RBMS3: variants seen among roughly 807,000 people sequenced by gnomAD.
RBMS3 encodes the protein RNA-binding motif, single-stranded-interacting protein 3.
Under a neutral mutation model 66.8 loss-of-function variants are expected in RBMS3, and 27 were observed. The ratio of observed to expected loss-of-function variants is 0.40; its 90% CI spans 0.30 to 0.56. The LOEUF is 0.56. Ranked by LOEUF, RBMS3 falls within the 20% of genes least tolerant of loss-of-function variation. The pLI, the probability that RBMS3 is intolerant of heterozygous loss-of-function variation, is 0.40. For missense variants in RBMS3, 513 were observed against 549.5 expected (o/e 0.93, Z 0.66); for synonymous variants, 188 against 183.0 (o/e 1.03, Z -0.22).
In RBMS3 at chr3:29,783,703, A is replaced by G. The variant is rs147723572; in HGVS notation, c.637+20714A>G. Among the ~76,000 whole-genome samples, 615 of 152,292 alleles carry G rather than the reference A, an allele frequency of 4.0e-3. 3 individuals carry two copies. The highest frequency in any genetic ancestry group is 0.014 in the African/African-American group (590 of 41,578). On this transcript the variant is annotated intron_variant, in intron 6 of 14. Transcript: ENST00000383767. ...GGATAGTACCTCACATCCCAATACT[A>G]ACATTGAATGTAAGTGGCCTAAATG...
intron 4 of RBMS3, among the ~76,000 whole-genome samples, chr3:29,632,839 C>A (rs1051745609): frequency 6.6e-6 from 1 of 151,864 alleles, no homozygotes; most frequent in African/African-American, 2.4e-5. Context: ...CAAGGCCCTG[C>A]AGATCCTTCC....
chr3:29,489,733 T>C (rs957165779), intron 3 of RBMS3, among the ~76,000 whole-genome samples: 1 of 120,202 alleles, frequency 8.3e-6, no homozygotes, highest in Non-Finnish European at 1.6e-5. Flanking sequence ...TAGACCCACG[T>C]AGCTGTAAAA....
At chr3:29,681,051 G>C (rs1468881602) in intron 4 of RBMS3, among the ~76,000 whole-genome samples, 1 of 152,172 alleles carries the variant, frequency 6.6e-6, no homozygotes, top group Non-Finnish European at 1.5e-5. Flanking sequence ...ATTTAATAAA[G>C]AGAGTCCACT....
At chr3:29,613,728 A>T (rs1201442374) in intron 4 of RBMS3, among the ~76,000 whole-genome samples, 2 of 152,122 alleles carry the variant, frequency 1.3e-5, no homozygotes, top group Non-Finnish European at 2.9e-5. Flanking sequence ...AATGGCCAAC[A>T]GGTATATTAA....
At chr3:29,601,554 A>C (rs1022915340) in intron 4 of RBMS3, among the ~76,000 whole-genome samples, 1 of 152,054 alleles carries the variant, frequency 6.6e-6, no homozygotes, top group Admixed American at 6.6e-5. Flanking sequence ...GATGAACACT[A>C]TGCATTCTAA....
At chr3:29,475,728 T>G (rs965602889) in intron 2 of RBMS3, among the ~76,000 whole-genome samples, 1 of 152,172 alleles carries the variant, frequency 6.6e-6, no homozygotes, top group African/African-American at 2.4e-5. Flanking sequence ...GATAGGTGCC[T>G]AAGTACAAAG....
chr3:29,791,020 T>G (rs2056991473), intron 6 of RBMS3, among the ~76,000 whole-genome samples: 1 of 152,182 alleles, frequency 6.6e-6, no homozygotes, highest in African/African-American at 2.4e-5. Flanking sequence ...GAAATCAGAG[T>G]GAACCCTCAC....
chr3:29,962,685 T>G (rs1385207573), intron 12 of RBMS3, among the ~76,000 whole-genome samples: 2 of 151,920 alleles, frequency 1.3e-5, no homozygotes, highest in African/African-American at 4.8e-5. Context: ...GCTAAGAGGA[T>G]TACATCTTGC....
rs755520785 is a variant in RBMS3, at chr3:29,482,701, C to CTTTTTTTTTTTTTTTTTTTTT, written c.249-5736_249-5716dup. Among the ~76,000 whole-genome samples the CTTTTTTTTTTTTTTTTTTTTT allele has an allele frequency of 1.2e-3, 93 of 77,500 alleles. 2 individuals carry two copies. The highest frequency in any genetic ancestry group is 2.8e-3 in the East Asian group (6 of 2,164). The allele number at this position is 77,500 out of a possible 152,430, so 50.8% of individuals were successfully genotyped here. ...AGTCTACCATTTTCTTTCTTTCTTT[C>CTTTTTTTTTTTTTTTTTTTTT]TTTTTTTTTTTTTTTTTTTTTTTTG... is the stretch of plus-strand genomic sequence containing the variant. On this transcript the variant is annotated intron_variant, in intron 2 of 14. Coordinates refer to ENST00000383767, the MANE Select transcript of RBMS3 (RefSeq NM_001003793.3).
At chr3:29,841,289 A>G (rs1322758277) in intron 6 of RBMS3, among the ~76,000 whole-genome samples, 3 of 151,972 alleles carry the variant, frequency 2.0e-5, no homozygotes, top group Non-Finnish European at 4.4e-5. Flanking sequence ...AGTACATTTA[A>G]TATTTTCAGT....
chr3:29,308,438 A>C (rs572793092), intron 1 of RBMS3, among the ~76,000 whole-genome samples: 2 of 151,962 alleles, frequency 1.3e-5, no homozygotes, highest in South Asian at 4.1e-4. Context: ...GCACTTAGTC[A>C]ACAATGAACG....
intron 12 of RBMS3, among the ~76,000 whole-genome samples, chr3:29,983,413 C>T (rs1042615481): frequency 6.6e-6 from 1 of 152,256 alleles, no homozygotes; most frequent in East Asian, 1.9e-4. Flanking sequence ...AGCTCATTTA[C>T]ATTTAAGGTT....
intron 2 of RBMS3, among the ~76,000 whole-genome samples, chr3:29,466,151 G>T (rs924931312): frequency 7.2e-5 from 11 of 151,880 alleles, no homozygotes; most frequent in African/African-American, 2.4e-4. Context: ...TGAAGAGAAG[G>T]TCATTTCTGA....
chr3:29,460,542 A>G (rs1014122039), intron 2 of RBMS3, among the ~76,000 whole-genome samples: 3 of 152,188 alleles, frequency 2.0e-5, no homozygotes, highest in Non-Finnish European at 4.4e-5. Flanking sequence ...CCAAGTTCTG[A>G]TGATGATGAT....
intron 6 of RBMS3, among the ~76,000 whole-genome samples, chr3:29,788,202 A>ATTTT (rs34037007): frequency 0.041 from 5,489 of 134,856 alleles, 166 homozygotes; most frequent in Non-Finnish European, 0.059. Context: ...TTTGGAGTTC[A>ATTTT]TTTTTTTTTT....
At chr3:29,913,466 TTAACA>T (rs1409838031) in intron 10 of RBMS3, among the ~76,000 whole-genome samples, 2 of 151,970 alleles carry the variant, frequency 1.3e-5, no homozygotes, top group African/African-American at 4.8e-5. Flanking sequence ...TTTATATCAC[TTAACA>T]TAAGTATAAT....
intron 3 of RBMS3, among the ~76,000 whole-genome samples, chr3:29,549,620 G>A (rs534182327): frequency 5.3e-5 from 8 of 151,816 alleles, no homozygotes; most frequent in Non-Finnish European, 1.2e-4. Context: ...GGCTGGTCTC[G>A]AACACCTGAC....
At chr3:29,853,695 G>C (rs1330106446) in intron 6 of RBMS3, among the ~76,000 whole-genome samples, 1 of 152,098 alleles carries the variant, frequency 6.6e-6, no homozygotes, top group African/African-American at 2.4e-5. Flanking sequence ...GTGTTTAGAG[G>C]TGGATGTGGT....
At chr3:29,730,736 A>T (rs958018923) in intron 4 of RBMS3, 2 of 382,390 alleles carry the variant, frequency 5.2e-6, no homozygotes. Context: ...TACAATATTG[A>T]GTAGTTCTCT....
Sources: gnomAD v4.1 joint callset for allele counts (sites outside exome capture counted in the v4.1 genomes callset) on GRCh38, gnomAD v4.1.1 for gene constraint, MANE v1.5 for transcripts, NCBI Gene and HGNC (gene_info 2026-07-23, HGNC 2026-07-21) for gene names.